Variants in KAZN observed in about 807,000 individuals in gnomAD.
The protein encoded by KAZN is kazrin, periplakin interacting protein.
Under a neutral mutation model 87.4 loss-of-function variants are expected in KAZN, and 40 were observed. The ratio of observed to expected loss-of-function variants is 0.46; its 90% CI spans 0.36 to 0.60. The LOEUF is 0.60. KAZN is among the 20% of genes least tolerant of loss of function. The pLI is 0.00. For synonymous variants in KAZN, 466 were observed against 458.3 expected (o/e 1.02, Z -0.22); for missense variants, 898 against 1,073.9 (o/e 0.84, Z 2.29).
At chr1:14,067,024 C>G (rs977831045) in intron 1 of KAZN, among the ~76,000 whole-genome samples, 1 of 152,160 alleles carries the variant, frequency 6.6e-6, no homozygotes, top group African/African-American at 2.4e-5. Context: ...TTCCCCCAAA[C>G]TCAACTGCTG....
rs148351159 is a variant in KAZN at position 14,265,143 on chromosome 1, A to T, written c.249+84551A>T. ...GAATTTTGGCCCAGATGGTATCCCA[A>T]CTACCATTCATTATTCCAAATTAGT... On this transcript the variant is annotated intron_variant, in intron 2 of 16. Coordinates refer to the KAZN transcript ENST00000636203. Among the ~76,000 whole-genome samples the T allele has an allele frequency of 6.1e-3, 931 of 152,346 alleles. 16 individuals carry two copies. Among genetic ancestry groups the T allele is most frequent in the African/African-American group, 0.022 (895 of 41,574 alleles).
At chr1:14,880,339 G>A (rs572144664) in intron 1 of KAZN, among the ~76,000 whole-genome samples, 18 of 152,274 alleles carry the variant, frequency 1.2e-4, no homozygotes, top group Admixed American at 8.5e-4. Context: ...GGGATTGCCC[G>A]AGGAAAAGTA....
At chr1:14,244,091 C>A (rs1421456323) in intron 2 of KAZN, among the ~76,000 whole-genome samples, 1 of 152,214 alleles carries the variant, frequency 6.6e-6, no homozygotes, top group Non-Finnish European at 1.5e-5. Flanking sequence ...TAAACATCAC[C>A]CGCCATGTGG....
In KAZN at chr1:15,094,064, G is replaced by GAAT; in HGVS notation, c.1223-114_1223-112dup. 1.2e-6 allele frequency: 1 copy of GAAT among 827,700 alleles called. No individual in the cohort carries two copies. Among genetic ancestry groups the GAAT allele is most frequent in the Non-Finnish European group, 1.9e-6 (1 of 532,084 alleles). 51.3% of individuals were successfully genotyped at this position (827,700 alleles called of 1,614,324 possible). ...CCAAAAGCCACTTTGATTTTGAAGAGAATACATGGAGGGGAGGATGTCCCC... is the reference window on the plus strand; with the variant it reads ...CCAAAAGCCACTTTGATTTTGAAGAGAATAATACATGGAGGGGAGGATGTCCCC... On this transcript the variant is annotated intron_variant, in intron 8 of 14. Transcript: ENST00000376030. This position sits in a 1 kb window ranked among gnomAD's most constrained non-coding sequence, Gnocchi z 4.5.
intron 1 of KAZN, among the ~76,000 whole-genome samples, chr1:14,625,346 T>G (rs1269643243): frequency 6.6e-6 from 1 of 152,076 alleles, no homozygotes; most frequent in Non-Finnish European, 1.5e-5. Context: ...GTGGCCCCCC[T>G]CACACTGCAA....
In KAZN at chr1:15,078,892, C is replaced by T. The variant is rs192654411; in HGVS notation, c.1222+13139C>T. On this transcript the variant is annotated intron_variant, in intron 8 of 14. Coordinates refer to ENST00000376030, the MANE Select transcript of KAZN (RefSeq NM_201628.3). ...CCAAGGACCTCATCAAAGCTGTCTTCGTTCTGAAGGAAATTAAATCAATGC... is the reference window on the plus strand; with the variant it reads ...CCAAGGACCTCATCAAAGCTGTCTTTGTTCTGAAGGAAATTAAATCAATGC... Among the ~76,000 whole-genome samples, 457 of 152,286 alleles carry T rather than the reference C, an allele frequency of 3.0e-3. 4 individuals are homozygous for T. The highest frequency in any genetic ancestry group is 4.0e-3 in the Non-Finnish European group (270 of 68,038).
At chr1:14,611,593 C>T (rs1316646904) in intron 1 of KAZN, among the ~76,000 whole-genome samples, 1 of 150,882 alleles carries the variant, frequency 6.6e-6, no homozygotes, top group Non-Finnish European at 1.5e-5. Context: ...GGGGCTGAGG[C>T]AGGAGGATCA....
At chr1:14,193,053 C>T (rs911514005) in intron 2 of KAZN, among the ~76,000 whole-genome samples, 2 of 152,122 alleles carry the variant, frequency 1.3e-5, no homozygotes, top group African/African-American at 4.8e-5. Flanking sequence ...ATGCTGTTCT[C>T]ATGATAATGA....
chr1:15,001,479 A>G (rs1277997048), intron 2 of KAZN, among the ~76,000 whole-genome samples: 1 of 151,942 alleles, frequency 6.6e-6, no homozygotes, highest in Non-Finnish European at 1.5e-5. Flanking sequence ...AAAAAAAAAA[A>G]AAGTTTTGCA....
chr1:14,049,287 A>T (rs1642208059), intron 1 of KAZN, among the ~76,000 whole-genome samples: 1 of 148,382 alleles, frequency 6.7e-6, no homozygotes, highest in South Asian at 2.2e-4. Context: ...GGACACAAGA[A>T]GGGGAACATC....
At chr1:14,484,346 T>A (rs1023142859) in intron 2 of KAZN, among the ~76,000 whole-genome samples, 1 of 152,210 alleles carries the variant, frequency 6.6e-6, no homozygotes, top group Non-Finnish European at 1.5e-5. Flanking sequence ...AGATTTTAAG[T>A]GTTTACACCA....
In KAZN at chr1:15,066,448, G is replaced by A; in HGVS notation, c.1222+695G>A. The stretch of plus-strand genomic sequence containing the variant: ...CAGGGTAAGCTCTGCTCTCTACAAA[G>A]ACTCGCGAGCCGGGCCAAGGGGCCT... On this transcript the variant is annotated intron_variant, in intron 8 of 14. Transcript: ENST00000376030. This position sits in a 1 kb window ranked among gnomAD's most constrained non-coding sequence, Gnocchi z 4.3. 3.0e-6 allele frequency: 3 copies of A among 985,180 alleles called. No individual in the cohort carries two copies. Among genetic ancestry groups the A allele is most frequent in the Non-Finnish European group, 2.4e-6 (2 of 829,908 alleles). The allele number at this position is 985,180 out of a possible 1,614,324, so 61.0% of individuals were successfully genotyped here.
chr1:15,097,687 G>A (rs1431730472), intron 10 of KAZN, among the ~76,000 whole-genome samples: 1 of 152,104 alleles, frequency 6.6e-6, no homozygotes. Flanking sequence ...GCGTGGTGGT[G>A]TGTGCCTGTG....
At chr1:14,419,353 G>T (rs559972899) in intron 2 of KAZN, among the ~76,000 whole-genome samples, 2 of 152,258 alleles carry the variant, frequency 1.3e-5, no homozygotes, top group East Asian at 1.9e-4. Context: ...TTTCCACCCT[G>T]CCCGGCCATC....
chr1:14,379,485 C>T (rs1661191958), intron 2 of KAZN, among the ~76,000 whole-genome samples: 1 of 152,088 alleles, frequency 6.6e-6, no homozygotes, highest in South Asian at 2.1e-4. Context: ...CGTCTATGCA[C>T]CTTCCCTGGG....
rs547207159 is a variant in KAZN at position 15,094,811 on chromosome 1, G to A, written c.1429-4G>A. 81 of 1,545,912 alleles carry A rather than the reference G, an allele frequency of 5.2e-5. 1 individual carries two copies. In the Admixed American group the frequency reaches 1.3e-3, roughly 25 times the overall value. On this transcript the variant is annotated splice_polypyrimidine_tract_variant and splice_region_variant and intron_variant, in intron 9 of 14. Coordinates refer to ENST00000376030, the MANE Select transcript of KAZN (RefSeq NM_201628.3). The surrounding 1 kb of genome is among the most constrained non-coding windows in gnomAD (Gnocchi z 4.5). ...CCCCATATGACACTCCCTCCCGGGG[G>A]CAGGTGCTGCTGAGCCTGAGTGACG...
At chr1:14,415,742 T>C (rs1368848825) in intron 2 of KAZN, among the ~76,000 whole-genome samples, 1 of 152,114 alleles carries the variant, frequency 6.6e-6, no homozygotes, top group African/African-American at 2.4e-5. Flanking sequence ...AGTAGGACAT[T>C]TTGCCTTCCC....
intron 2 of KAZN, among the ~76,000 whole-genome samples, chr1:14,298,117 T>TG (rs1301278040): frequency 2.0e-5 from 3 of 152,030 alleles, no homozygotes; most frequent in Admixed American, 1.3e-4. Context: ...CCCAACTACT[T>TG]GGGGGGCTGA....
At chr1:14,057,300 A>G (rs1642614286) in intron 1 of KAZN, among the ~76,000 whole-genome samples, 1 of 151,794 alleles carries the variant, frequency 6.6e-6, no homozygotes, top group African/African-American at 2.4e-5. Context: ...ACACCGGGCT[A>G]ATTTTTATAT....
Sources: gnomAD v4.1 joint callset for allele counts (sites outside exome capture counted in the v4.1 genomes callset) on GRCh38, gnomAD v4.1.1 for gene constraint, Gnocchi (gnomAD v3.1) non-coding constraint, MANE v1.5 for transcripts, NCBI Gene and HGNC (gene_info 2026-07-23, HGNC 2026-07-21) for gene names.